ENKUR: variants seen among roughly 807,000 people sequenced by gnomAD.
ENKUR encodes the protein enkurin, TRPC channel interacting protein.
ENKUR carries 19 observed loss-of-function variants against 27.6 expected under a neutral mutation model. The ratio of observed to expected loss-of-function variants is 0.69; its 90% CI spans 0.48 to 1.01. The LOEUF (loss-of-function observed/expected upper bound fraction) is 1.01, where lower values mean the gene tolerates loss of function less well. Ranked by LOEUF, ENKUR falls within the 50% of genes least tolerant of loss-of-function variation. The pLI is 0.00. For synonymous variants in ENKUR, 117 were observed against 96.9 expected (o/e 1.21, Z -1.22); for missense variants, 312 against 310.5 (o/e 1.00, Z -0.04).
chr10:24,995,128 T>C lies in ENKUR; in HGVS notation c.447+518A>G, dbSNP rs561810676. Among the ~76,000 whole-genome samples the C allele has an allele frequency of 5.9e-5, 9 of 151,940 alleles. No homozygotes were observed. The East Asian group carries it at 1.2e-3, about 20-fold the overall frequency. On this transcript the variant is annotated intron_variant, in intron 3 of 5. Coordinates refer to ENST00000331161, the MANE Select transcript of ENKUR (RefSeq NM_145010.4). ...TAGATTATTGTACAGTACTTTCAAG[T>C]CTTTACCCAAAACCAAAACCAAATA...
At chr10:25,058,206 T>G (rs55706719) in intron 2 of ENKUR, among the ~76,000 whole-genome samples, 48 of 152,068 alleles carry the variant, frequency 3.2e-4, no homozygotes, top group African/African-American at 1.1e-3. Context: ...GTTTTTGTTG[T>G]TGTTGTTTTG....
At chr10:25,030,609 A>T (rs1171404304) in intron 2 of ENKUR, among the ~76,000 whole-genome samples, 1 of 152,080 alleles carries the variant, frequency 6.6e-6, no homozygotes, top group Non-Finnish European at 1.5e-5. Flanking sequence ...ATTTATTGGT[A>T]CAAGTCTTTG....
At chr10:25,021,079 C>T (rs1250562662), upstream of ENKUR, among the ~76,000 whole-genome samples, 3 of 152,120 alleles carry the variant, frequency 2.0e-5, no homozygotes, top group East Asian at 1.9e-4. Flanking sequence ...GTGAACACCA[C>T]GGTATTCTCT....
chr10:25,054,683 AT>A (rs767687459), intron 2 of ENKUR, among the ~76,000 whole-genome samples: 3,333 of 135,972 alleles, frequency 0.025, 136 homozygotes, highest in African/African-American at 0.081. Flanking sequence ...TGGGCGATTA[AT>A]TTTTTTTTTT....
rs1564334697 is a variant in ENKUR at position 24,988,684 on chromosome 10, ATATATATATATATATAT to A, written c.594+1762_594+1778del. 9.9e-4 allele frequency among the ~76,000 whole-genome samples: 9 copies of A among 9,072 alleles called. 1 individual carries two copies. The highest frequency in any genetic ancestry group is 4.6e-4 in the Non-Finnish European group (2 of 4,312). 6.0% of individuals were successfully genotyped at this position (9,072 alleles called of 152,430 possible). On this transcript the variant is annotated intron_variant, in intron 4 of 5. Coordinates refer to ENST00000331161, the MANE Select transcript of ENKUR (RefSeq NM_145010.4). ...CATATGTATATATATATATATATAT[ATATATATATATATATAT>A]ATATATATATATATATATATATATA...
In ENKUR at chr10:25,059,940, C is replaced by T. The variant is rs570831862; in HGVS notation, c.37+1172G>A. Reference sequence around the variant, plus strand: ...AACCCTGGATGAATTGGAGTTGGTTCACCATTTTGCCTCGGGCAGCCTTGT... The same window carrying T: ...AACCCTGGATGAATTGGAGTTGGTTTACCATTTTGCCTCGGGCAGCCTTGT... On this transcript the variant is annotated intron_variant, in intron 2 of 5. Coordinates refer to the ENKUR transcript ENST00000615958. Among the ~76,000 whole-genome samples, 5 of 152,270 alleles carry T rather than the reference C, an allele frequency of 3.3e-5. No homozygotes were observed. In the East Asian group the frequency reaches 9.7e-4, roughly 29 times the overall value.
At position 24,990,570 on chromosome 10, in the gene ENKUR, C is replaced by T. The variant is rs369720464; in HGVS notation, c.487G>A (p.Glu163Lys). The T allele has an allele frequency of 2.9e-5, 46 of 1,613,104 alleles. No homozygotes were observed. Among genetic ancestry groups the T allele is most frequent in the Admixed American group, 1.8e-4 (11 of 59,766 alleles). Reference sequence around the variant, plus strand: ...TCTTCTTGGGCTTTCTTTATTTCCTCGTTTCGCTTACATATGTATTCAGGT... The same window carrying T: ...TCTTCTTGGGCTTTCTTTATTTCCTTGTTTCGCTTACATATGTATTCAGGT... The part of the protein sequence containing the change: ...VTPEYICKRN[E>K]EIKKAQEDYD... The change falls in exon 4 of 6, where the codon GAG (glutamate) becomes AAG (lysine). Residue 163 changes from glutamate (E) to lysine (K), a missense_variant. Glu to Lys is a moderately conservative substitution (Grantham distance 56). Transcript: ENST00000331161.
intron 2 of ENKUR, chr10:25,023,939 C>G (rs41279890): frequency 0.012 from 19,918 of 1,614,144 alleles, 378 homozygotes; most frequent in African/African-American, 0.08. Context: ...CACGTTTGGC[C>G]TGAAGACTGT....
intron 2 of ENKUR, among the ~76,000 whole-genome samples, chr10:25,060,948 A>C (rs564384777): frequency 6.6e-6 from 1 of 152,128 alleles, no homozygotes; most frequent in African/African-American, 2.4e-5. Context: ...TTCTGATCTT[A>C]AGTGATCCTC....
chr10:24,990,667 G>T, intron 3 of ENKUR, 58 bp from the exon 4 acceptor site: 1 of 1,483,146 alleles, frequency 6.7e-7, no homozygotes, highest in Non-Finnish European at 9.1e-7. Context: ...TTACATATGG[G>T]TACGTATCAA....
In ENKUR at chr10:24,999,551, A is replaced by G. The variant is rs1158523568; in HGVS notation, c.78-5T>C. The G allele has an allele frequency of 6.3e-7, 1 of 1,596,680 alleles. No individual in the cohort carries two copies. The highest frequency in any genetic ancestry group is 1.4e-5 in the African/African-American group (1 of 73,770). On this transcript the variant is annotated splice_region_variant and splice_polypyrimidine_tract_variant and intron_variant, in intron 1 of 5. Transcript: ENST00000331161. ...GCCTTAAAAATGGATATGTACCTAA[A>G]ATTGAATTTTAAAAGTTGTAGCATT... is the stretch of plus-strand genomic sequence containing the variant.
rs776078853 is a variant in ENKUR, at chr10:25,024,098, C to T, written c.38-28229G>A. 7 of 1,614,174 alleles carry T rather than the reference C, an allele frequency of 4.3e-6. No homozygotes were observed. The Admixed American group carries it at 1.0e-4, about 23-fold the overall frequency. On this transcript the variant is annotated intron_variant, in intron 2 of 5. Coordinates refer to the ENKUR transcript ENST00000615958. ...GTAGGAGCAACCTACGTAGAAAGAG[C>T]ACAGATACTGTTGGAAAGATGTATC...
At chr10:25,018,493 A>G (rs1432296138), upstream of ENKUR, among the ~76,000 whole-genome samples, 3 of 152,184 alleles carry the variant, frequency 2.0e-5, no homozygotes, top group Non-Finnish European at 1.5e-5. Context: ...CAAAGACGGT[A>G]CTGAACAAAT....
At chr10:25,001,561 A>G (rs1850190263) in intron 1 of ENKUR, among the ~76,000 whole-genome samples, 1 of 151,128 alleles carries the variant, frequency 6.6e-6, no homozygotes, top group East Asian at 1.9e-4. Flanking sequence ...TTTTCAGTCT[A>G]TTTTTTCTCT....
chr10:25,002,804 G>A (rs1850218354), intron 1 of ENKUR, among the ~76,000 whole-genome samples: 1 of 151,970 alleles, frequency 6.6e-6, no homozygotes, highest in Non-Finnish European at 1.5e-5. Flanking sequence ...CAAACTGAAT[G>A]AGCTCATTAG....
intron 1 of ENKUR, among the ~76,000 whole-genome samples, chr10:25,001,047 A>G (rs1850179323): frequency 6.6e-6 from 1 of 152,086 alleles, no homozygotes. Context: ...TGTGTGGTAT[A>G]AAATCCATAA....
At chr10:25,041,529 A>G (rs1851064433) in intron 2 of ENKUR, among the ~76,000 whole-genome samples, 1 of 151,990 alleles carries the variant, frequency 6.6e-6, no homozygotes, top group South Asian at 2.1e-4. Flanking sequence ...TTACATATAT[A>G]CTAGATGTTT....
At chr10:24,988,712 A>ATG (rs1394983255) in intron 4 of ENKUR, among the ~76,000 whole-genome samples, 7 of 22,184 alleles carry the variant, frequency 3.2e-4, no homozygotes, top group African/African-American at 1.7e-3. Context: ...ATATATATAT[A>ATG]TATATATATA....
intron 2 of ENKUR, among the ~76,000 whole-genome samples, chr10:25,052,763 A>G (rs900804647): frequency 1.3e-4 from 19 of 145,616 alleles, no homozygotes; most frequent in African/African-American, 4.8e-4. Flanking sequence ...ACAGAGTGAG[A>G]CTCTCTCTTT....
Sources: gnomAD v4.1 joint callset for allele counts (sites outside exome capture counted in the v4.1 genomes callset) on GRCh38, gnomAD v4.1.1 for gene constraint, MANE v1.5 for transcripts, NCBI Gene and HGNC (gene_info 2026-07-23, HGNC 2026-07-21) for gene names.